TRIM49: variants seen among roughly 807,000 people sequenced by gnomAD.
TRIM49 encodes the protein tripartite motif-containing protein 49.
A neutral mutation model predicts 27.4 loss-of-function variants in TRIM49; 5 were observed. That is an observed-to-expected ratio of 0.18 (90% confidence interval 0.10 to 0.38). The LOEUF (loss-of-function observed/expected upper bound fraction) is 0.38, where lower values mean the gene tolerates loss of function less well. Ranked by LOEUF, TRIM49 falls within the 10% of genes least tolerant of loss-of-function variation. TRIM49 has a pLI of 1.00. For missense variants in TRIM49, 188 were observed against 487.5 expected, an observed-to-expected ratio of 0.39 and a Z score of 5.79; for synonymous variants, 69 against 166.0, an observed-to-expected ratio of 0.42 and a Z score of 4.49.
At chr11:89,766,767 G>C in the TRIM49 span, 16 of 1,378,524 alleles carry the variant, frequency 1.2e-5, no homozygotes, top group Admixed American at 2.8e-4. Flanking sequence ...AAACATTGGG[G>C]AGGTGGTCAA....
At chr11:89,774,259 C>T in the TRIM49 span, among the ~76,000 whole-genome samples, 1 of 151,098 alleles carries the variant, frequency 6.6e-6, no homozygotes, top group East Asian at 1.9e-4. Context: ...GTGGGCCTCC[C>T]ACAGTGCTGG....
intron 2 of TRIM49, among the ~76,000 whole-genome samples, 177 bp from the exon 3 acceptor site, chr11:89,804,650 T>C (rs1180157438): frequency 1.3e-5 from 2 of 151,576 alleles, no homozygotes; most frequent in African/African-American, 4.9e-5. Flanking sequence ...CTCCTGGCTT[T>C]CTAACAGATA....
chr11:89,804,990 C>A (rs1440910866), intron 2 of TRIM49, among the ~76,000 whole-genome samples: 1 of 151,088 alleles, frequency 6.6e-6, no homozygotes, highest in Non-Finnish European at 1.5e-5. Flanking sequence ...ACATAACAAG[C>A]CTGCAAGTCC....
At chr11:89,787,599 G>A in the TRIM49 span, 10 of 836,352 alleles carry the variant, frequency 1.2e-5, no homozygotes, top group African/African-American at 4.2e-5. Context: ...CGCCTGCGGC[G>A]GAGCAGCTTG....
the TRIM49 span, among the ~76,000 whole-genome samples, chr11:89,769,874 C>T: frequency 2.0e-5 from 2 of 101,420 alleles, no homozygotes; most frequent in African/African-American, 5.7e-5. Context: ...CAGTTGAGCA[C>T]GTTTGTAGGG....
the TRIM49 span, among the ~76,000 whole-genome samples, chr11:89,791,020 C>T: frequency 1.4e-5 from 2 of 146,108 alleles, no homozygotes; most frequent in African/African-American, 2.6e-5. Flanking sequence ...AGATGAATGG[C>T]TAACTAGAAC....
rs201477124 is a variant in TRIM49 at position 89,804,446 on chromosome 11, G to A, written c.24C>T (p.Val8=). Residue 8 remains valine, a synonymous_variant, in exon 3 of 8, where the codon GTC becomes GTT. Coordinates refer to ENST00000329758, the MANE Select transcript of TRIM49 (RefSeq NM_020358.2). Reference sequence around the variant, plus strand: ...GGGGGCAGATGAGTTCCCCCTGAAAGACCTGTAAGATTCCAGAATTCATGT... The same window carrying A: ...GGGGGCAGATGAGTTCCCCCTGAAAAACCTGTAAGATTCCAGAATTCATGT... MNSGILQ[V]FQGELICPLC... The A allele has an allele frequency of 6.9e-6, 11 of 1,598,300 alleles. 1 individual carries two copies. The highest frequency in any genetic ancestry group is 1.9e-4 in the Middle Eastern group (1 of 5,140).
At chr11:89,803,860 A>G (rs1361854217) in intron 3 of TRIM49, 67 bp from the exon 4 acceptor site, 1 of 785,636 alleles carries the variant, frequency 1.3e-6, no homozygotes, top group Non-Finnish European at 2.0e-6. Context: ...CCAGAATGAG[A>G]GACAAATAAG....
chr11:89,798,495 C>T lies in TRIM49; in HGVS notation c.994G>A (p.Gly332Ser), dbSNP rs772168894. ...TTGCCCGAGGTGAAAGTCTGAACAC[C>T]CCATGCAAGAAAACTTCTAGGTGTT... is the stretch of plus-strand genomic sequence containing the variant. Reference protein sequence around the residue: ...TATPRSFLAWGVQTFTSGKYY... With the variant: ...TATPRSFLAWSVQTFTSGKYY... Residue 332 changes from glycine (G) to serine (S), a missense_variant, in exon 8 of 8, where the codon GGT (glycine) becomes AGT (serine). By Grantham distance (56) the Gly-to-Ser change is moderately conservative. Transcript: ENST00000329758. 3 of 1,593,826 alleles carry T rather than the reference C, an allele frequency of 1.9e-6. No individual in the cohort carries two copies. In the South Asian group the frequency reaches 3.3e-5, roughly 18 times the overall value.
the TRIM49 span, among the ~76,000 whole-genome samples, chr11:89,783,689 T>A: frequency 6.9e-6 from 1 of 145,890 alleles, no homozygotes. Context: ...AAGAACAAAA[T>A]TAGTTTACAC....
chr11:89,787,816 G>C, the TRIM49 span: 2 of 506,794 alleles, frequency 3.9e-6, no homozygotes, highest in Non-Finnish European at 7.1e-6. Flanking sequence ...AGAAGCGCCC[G>C]CTGCCCTGGA....
downstream of TRIM49, among the ~76,000 whole-genome samples, chr11:89,797,412 T>C (rs1949699204): frequency 1.3e-5 from 2 of 149,920 alleles, no homozygotes; most frequent in South Asian, 4.2e-4. Flanking sequence ...GGTTAAGAAA[T>C]CCTTATGAGA....
chr11:89,787,912 C>T, the TRIM49 span: 17 of 377,354 alleles, frequency 4.5e-5, no homozygotes, highest in East Asian at 7.9e-4. Flanking sequence ...TGGCAGCTCC[C>T]GGGACCACCG....
the TRIM49 span, among the ~76,000 whole-genome samples, chr11:89,790,624 T>A: frequency 1.3e-5 from 2 of 151,946 alleles, no homozygotes; most frequent in African/African-American, 4.9e-5. Flanking sequence ...CTGCTGCTGA[T>A]ACCCAGGCAA....
chr11:89,804,674 G>T (rs1206082694), intron 2 of TRIM49, among the ~76,000 whole-genome samples: 14 of 151,638 alleles, frequency 9.2e-5, no homozygotes, highest in African/African-American at 2.9e-4. Context: ...CTAACCAGAG[G>T]ACTCACAGTC....
intron 1 of TRIM49, 31 bp downstream of exon 1, chr11:89,808,406 C>T (rs1346293830): frequency 2.0e-5 from 3 of 150,118 alleles, no homozygotes; most frequent in Non-Finnish European, 4.4e-5. Flanking sequence ...GGGAGATTCA[C>T]ATATGAATTA....
At chr11:89,804,948 G>A (rs1334359981) in intron 2 of TRIM49, among the ~76,000 whole-genome samples, 6 of 150,920 alleles carry the variant, frequency 4.0e-5, no homozygotes, top group Admixed American at 6.6e-5. Flanking sequence ...CACAAAAGCC[G>A]GGCAGCAAAC....
At chr11:89,767,858 T>C in the TRIM49 span, among the ~76,000 whole-genome samples, 3,125 of 136,046 alleles carry the variant, frequency 0.023, 896 homozygotes, top group African/African-American at 0.1. Context: ...GAATTTGAAA[T>C]TGAAACGTCC....
the TRIM49 span, among the ~76,000 whole-genome samples, chr11:89,769,016 T>TA: frequency 7.4e-6 from 1 of 135,942 alleles, no homozygotes; most frequent in Admixed American, 6.8e-5. Context: ...CCATCCCTAC[T>TA]AAAAAATGCA....
Sources: gnomAD v4.1 joint callset for allele counts (sites outside exome capture counted in the v4.1 genomes callset) on GRCh38, gnomAD v4.1.1 for gene constraint, MANE v1.5 for transcripts, NCBI Gene and HGNC (gene_info 2026-07-23, HGNC 2026-07-21) for gene names.